The following STYK1 variants were observed in gnomAD, a reference collection of about 807,000 sequenced individuals.
STYK1 encodes tyrosine-protein kinase STYK1.
STYK1 carries 46 observed loss-of-function variants against 48.1 expected under a neutral mutation model. That is an observed-to-expected ratio of 0.96 (90% CI 0.75 to 1.22). The LOEUF (loss-of-function observed/expected upper bound fraction) is 1.22. Among genes scored for constraint, STYK1 ranks in the 50% most tolerant of loss-of-function variants. The pLI is 0.00. For synonymous variants in STYK1, 188 were observed against 189.0 expected (o/e 0.99, Z 0.04); for missense variants, 527 against 521.1 (o/e 1.01, Z -0.11).
intron 1 of STYK1, among the ~76,000 whole-genome samples, chr12:10,638,577 G>A (rs1263284397): frequency 6.6e-6 from 1 of 152,150 alleles, no homozygotes; most frequent in Non-Finnish European, 1.5e-5. Context: ...GTGTCACACT[G>A]CATTTAGGCA....
At chr12:10,645,551 C>T (rs1216802850) in intron 1 of STYK1, among the ~76,000 whole-genome samples, 1 of 152,062 alleles carries the variant, frequency 6.6e-6, no homozygotes, top group African/African-American at 2.4e-5. Flanking sequence ...CCCACACACA[C>T]TGAAAAACAG....
At chr12:10,653,206 G>A (rs547592261) in intron 1 of STYK1, among the ~76,000 whole-genome samples, 35 of 151,606 alleles carry the variant, frequency 2.3e-4, no homozygotes, top group African/African-American at 8.2e-4. Context: ...CCGAGTAGCT[G>A]GGACTACAGG....
rs1947336062 is a variant in STYK1 at position 10,624,707 on chromosome 12, G to A, written c.870C>T (p.Leu290=). 1 of 1,614,168 alleles carries A rather than the reference G, an allele frequency of 6.2e-7. No individual in the cohort carries two copies. The highest frequency in any genetic ancestry group is 8.5e-7 in the Non-Finnish European group (1 of 1,180,032). The part of the protein sequence containing the change: ...GAISSTQTIP[L]KWLAPERLLL... ...GAAGCCGTTCTGGGGCAAGCCACTT[G>A]AGAGGTATGGTTTGAGTAGAGGAGA... Residue 290 remains leucine, a synonymous_variant, in exon 8 of 11, where the codon CTC becomes CTT. Transcript: ENST00000075503.
chr12:10,631,226 T>A lies in STYK1; in HGVS notation c.270A>T (p.Thr90=), dbSNP rs1170567825. 1.2e-6 allele frequency: 2 copies of A among 1,614,098 alleles called. No individual in the cohort carries two copies. The highest frequency in any genetic ancestry group is 1.7e-6 in the Non-Finnish European group (2 of 1,180,046). ...GGNVALPLKE[T]SVENFLGATT... ...TAGCTCCCAGAAAGTTTTCCACGGA[T>A]GTCTCCTTAAGTGGCAAAGCCACAT... is the stretch of plus-strand genomic sequence containing the variant. Residue 90 remains threonine, a synonymous_variant, in exon 5 of 11, where the codon ACA becomes ACT. Transcript: ENST00000075503.
Position 10,629,170 on chromosome 12 carries a change from C to T in STYK1, c.633+323G>A, listed in dbSNP as rs79140815. Reference sequence around the variant, plus strand: ...CCATGCTCTAAACTTGTACTGTCCACTCTCTGCTCATTAGCCACCTGTGGC... The same window carrying T: ...CCATGCTCTAAACTTGTACTGTCCATTCTCTGCTCATTAGCCACCTGTGGC... On this transcript the variant is annotated intron_variant, in intron 6 of 10. Coordinates refer to ENST00000075503, the MANE Select transcript of STYK1 (RefSeq NM_018423.3). Among the ~76,000 whole-genome samples, 1,325 of 152,260 alleles carry T rather than the reference C, an allele frequency of 8.7e-3. 15 individuals are homozygous for T. The highest frequency in any genetic ancestry group is 0.03 in the African/African-American group (1,253 of 41,542).
intron 1 of STYK1, among the ~76,000 whole-genome samples, chr12:10,665,499 T>G (rs191834770): frequency 1.2e-3 from 177 of 152,324 alleles, no homozygotes; most frequent in Non-Finnish European, 2.1e-3. Context: ...TCTGATGCTC[T>G]TCCCACTACA....
intron 1 of STYK1, among the ~76,000 whole-genome samples, chr12:10,648,404 T>C (rs1947623880): frequency 6.6e-6 from 1 of 151,952 alleles, no homozygotes; most frequent in African/African-American, 2.4e-5. Flanking sequence ...AGTACTTTTA[T>C]AGTAATGAGA....
rs1270021380 is a variant in STYK1 at position 10,618,928 on chromosome 12, A to G, written c.*1216T>C. ...AATATATGAAAGGTCCTGGGTTAGG[A>G]AGGGCAAAAGAAAAGGAGAAACACG... On this transcript the variant is annotated 3_prime_UTR_variant, in exon 11 of 11. Coordinates refer to ENST00000075503, the MANE Select transcript of STYK1 (RefSeq NM_018423.3). The G allele has an allele frequency of 2.6e-5, 4 of 152,208 alleles. No individual in the cohort carries two copies. Among genetic ancestry groups the G allele is most frequent in the Non-Finnish European group, 5.9e-5 (4 of 68,028 alleles). 9.4% of individuals were successfully genotyped at this position (152,208 alleles called of 1,614,324 possible). A position where few individuals can be genotyped will look rare whatever the true frequency, so the allele number is the denominator to read the frequency against.
chr12:10,628,149 G>C (rs542114867), intron 6 of STYK1, among the ~76,000 whole-genome samples: 17 of 152,310 alleles, frequency 1.1e-4, no homozygotes, highest in African/African-American at 3.6e-4. Context: ...GAGTAAAATA[G>C]CATGGCTGCT....
At chr12:10,636,371 T>C (rs957352225) in intron 2 of STYK1, among the ~76,000 whole-genome samples, 1 of 152,178 alleles carries the variant, frequency 6.6e-6, no homozygotes, top group Non-Finnish European at 1.5e-5. Flanking sequence ...GGCGGAAAAT[T>C]GGCACAGAAG....
rs186591802 is a variant in STYK1, at chr12:10,666,941, A to T, written c.-195+7025T>A. ...TGAGAAAGGACTAGTACACATGTGTATTACTGAGATTTTTCTATAACCACA... is the reference window on the plus strand; with the variant it reads ...TGAGAAAGGACTAGTACACATGTGTTTTACTGAGATTTTTCTATAACCACA... On this transcript the variant is annotated intron_variant, in intron 1 of 10. Transcript: ENST00000075503. Among the ~76,000 whole-genome samples the T allele has an allele frequency of 1.5e-3, 226 of 152,338 alleles. 1 individual carries two copies. The highest frequency in any genetic ancestry group is 5.3e-3 in the African/African-American group (221 of 41,590).
rs139022305 is a variant in STYK1 at position 10,646,773 on chromosome 12, G to C, written c.-194-9577C>G. Among the ~76,000 whole-genome samples, 5 of 152,334 alleles carry C rather than the reference G, an allele frequency of 3.3e-5. No individual in the cohort carries two copies. The East Asian group carries it at 9.7e-4, about 29-fold the overall frequency. ...AAAATGGTTTCATGGGCTGGGCCCA[G>C]GGTCCCTCTGCTATGTGCAATCTAG... On this transcript the variant is annotated intron_variant, in intron 1 of 10. Coordinates refer to ENST00000075503, the MANE Select transcript of STYK1 (RefSeq NM_018423.3).
At chr12:10,647,919 G>T (rs912310472) in intron 1 of STYK1, among the ~76,000 whole-genome samples, 2 of 152,124 alleles carry the variant, frequency 1.3e-5, no homozygotes, top group African/African-American at 4.8e-5. Flanking sequence ...TGATTGTAAG[G>T]CCTCCCCAGC....
chr12:10,621,762 A>C, intron 10 of STYK1, 114 bp downstream of exon 10: 1 of 860,634 alleles, frequency 1.2e-6, no homozygotes, highest in South Asian at 1.6e-5. Context: ...AAAGCTGTAC[A>C]TGGGTACATA....
intron 10 of STYK1, among the ~76,000 whole-genome samples, chr12:10,620,876 G>C (rs1339610116): frequency 6.6e-6 from 1 of 152,140 alleles, no homozygotes; most frequent in Non-Finnish European, 1.5e-5. Context: ...GTGGTACCAG[G>C]TCAGGTATTT....
At position 10,629,520 on chromosome 12, in the gene STYK1, C is replaced by T. The variant is rs765976353; in HGVS notation, c.606G>A (p.Leu202=). 5.0e-6 allele frequency: 8 copies of T among 1,614,172 alleles called. No homozygotes were observed. Among genetic ancestry groups the T allele is most frequent in the Non-Finnish European group, 6.8e-6 (8 of 1,180,020 alleles). ...GCCGACAGGTCCAGAGAAAGCTGAG[C>T]AGGTCCCCCTGGGCCACATCCTCCA... is the stretch of plus-strand genomic sequence containing the variant. ...MVLEDVAQGD[L]LSFLWTCRRD... The change falls in exon 6 of 11, where the codon CTG becomes CTA. Residue 202 remains leucine, a synonymous_variant. Coordinates refer to ENST00000075503, the MANE Select transcript of STYK1 (RefSeq NM_018423.3).
At chr12:10,662,512 G>A (rs2120795315) in intron 1 of STYK1, among the ~76,000 whole-genome samples, 1 of 152,314 alleles carries the variant, frequency 6.6e-6, no homozygotes, top group East Asian at 1.9e-4. Flanking sequence ...CCACATCCTT[G>A]ACAAACACTT....
At chr12:10,625,141 G>A (rs549661954) in intron 7 of STYK1, among the ~76,000 whole-genome samples, 58 of 152,216 alleles carry the variant, frequency 3.8e-4, no homozygotes, top group Admixed American at 1.6e-3. Flanking sequence ...CCTGATTTTC[G>A]TTTCCCGTGA....
Position 10,629,637 on chromosome 12 carries a change from C to T in STYK1, c.489G>A (p.Gly163=), listed in dbSNP as rs764867501. Residue 163 remains glycine, a synonymous_variant, in exon 6 of 11, where the codon GGG becomes GGA. Transcript: ENST00000075503. ...AGLHEVQDFL[G]RIQFHQYLGK... Reference sequence around the variant, plus strand: ...CCAGGTATTGATGGAATTGGATTCGCCCTAAGAAATCTTGTACCTCATGGA... The same window carrying T: ...CCAGGTATTGATGGAATTGGATTCGTCCTAAGAAATCTTGTACCTCATGGA... 4 of 1,614,150 alleles carry T rather than the reference C, an allele frequency of 2.5e-6. No homozygotes were observed. The highest frequency in any genetic ancestry group is 1.3e-5 in the African/African-American group (1 of 75,032).
Sources: allele counts gnomAD v4.1 joint callset (sites outside exome capture counted in the v4.1 genomes callset), GRCh38; gene constraint gnomAD v4.1.1; transcripts MANE v1.5; gene names NCBI Gene and HGNC (gene_info 2026-07-23, HGNC 2026-07-21).